NFRKB: variants seen among roughly 807,000 people sequenced by gnomAD.
NFRKB encodes the protein nuclear factor related to kappa-B-binding protein.
Under a neutral mutation model 135.7 loss-of-function variants are expected in NFRKB, and 62 were observed. The observed-to-expected ratio is 0.46, with a 90% CI of 0.37 to 0.56. The LOEUF (loss-of-function observed/expected upper bound fraction) is 0.56, where lower values mean the gene tolerates loss of function less well. NFRKB is among the 20% of genes least tolerant of loss of function. The pLI is 0.00. For missense variants in NFRKB, 1,545 were observed against 1,662.0 expected (o/e 0.93, Z 1.22); for synonymous variants, 678 against 635.6 (o/e 1.07, Z -1.00).
At chr11:129,880,186 C>T (rs948648124) in intron 13 of NFRKB, among the ~76,000 whole-genome samples, 1 of 152,026 alleles carries the variant, frequency 6.6e-6, no homozygotes, top group African/African-American at 2.4e-5. Flanking sequence ...AAGACTCTGT[C>T]TCAAAAAATA....
At position 129,878,324 on chromosome 11, in the gene NFRKB, G is replaced by A. The variant is rs1281905227; in HGVS notation, c.1496C>T (p.Thr499Ile). ...QENEDSSDAT[T>I]PVPRVRTDYV... ...TTGTACTCACACCCGAGGGACAGGT[G>A]TTGTGGCATCTGAGCTGTCTTCATT... The change falls in exon 15 of 27, where the codon ACA (threonine) becomes ATA (isoleucine). Residue 499 changes from threonine to isoleucine, a missense_variant. By Grantham distance (89) the Thr-to-Ile change is moderately conservative. Transcript: ENST00000682444. 6.2e-7 allele frequency: 1 copy of A among 1,614,234 alleles called. No homozygotes were observed. The highest frequency in any genetic ancestry group is 8.5e-7 in the Non-Finnish European group (1 of 1,180,044).
chr11:129,874,780 AG>A lies in NFRKB; in HGVS notation c.1978+12del. 1 of 1,614,214 alleles carries A rather than the reference AG, an allele frequency of 6.2e-7. No individual in the cohort carries two copies. The highest frequency in any genetic ancestry group is 1.1e-5 in the South Asian group (1 of 91,084). On this transcript the variant is annotated intron_variant, in intron 19 of 26. Transcript: ENST00000682444. The surrounding 1 kb of genome is among the most constrained non-coding windows in gnomAD (Gnocchi z 4.5). ...CCCAGTCTGGTCGGACAGTGCCCAGAGGCCTCACACACCAAACTCTTCTTCA... is the reference window on the plus strand; with the variant it reads ...CCCAGTCTGGTCGGACAGTGCCCAGAGCCTCACACACCAAACTCTTCTTCA...
At chr11:129,893,052 CA>C (rs1949627981) in intron 2 of NFRKB, 182 bp from the exon 3 acceptor site, 1 of 1,434,310 alleles carries the variant, frequency 7.0e-7, no homozygotes, top group Non-Finnish European at 9.1e-7. Context: ...CTGGAATTTT[CA>C]AGTCTTACCT....
chr11:129,878,410 T>G lies in NFRKB; in HGVS notation c.1464+54A>C. ...ATGGACTAAAGAATTTGGGCAAACT[T>G]AAGAGCTCTGGAAACCCAGTGAGAA... On this transcript the variant is annotated intron_variant, in intron 14 of 26. Coordinates refer to ENST00000682444, the MANE Select transcript of NFRKB (RefSeq NM_001143835.2). 5 of 1,613,042 alleles carry G rather than the reference T, an allele frequency of 3.1e-6. No homozygotes were observed. The Admixed American group carries it at 5.0e-5, about 16-fold the overall frequency.
intron 23 of NFRKB, 110 bp from the exon 24 acceptor site, chr11:129,870,371 A>G (rs1038658567): frequency 7.9e-7 from 1 of 1,267,690 alleles, no homozygotes; most frequent in Non-Finnish European, 1.1e-6. Flanking sequence ...TTTTTTTTTT[A>G]ACTTTTTATT....
rs142817440 is a variant in NFRKB at position 129,889,154 on chromosome 11, G to A, written c.136-359C>T. Among the ~76,000 whole-genome samples, 11 of 152,104 alleles carry A rather than the reference G, an allele frequency of 7.2e-5. 1 individual carries two copies. In the East Asian group the frequency reaches 1.9e-3, roughly 27 times the overall value. ...TTTTTGTATTTTTAGTAGAGATAGG[G>A]TTTCACCATGTTGACCAGGCTGGTC... On this transcript the variant is annotated intron_variant, in intron 3 of 26. Coordinates refer to ENST00000682444, the MANE Select transcript of NFRKB (RefSeq NM_001143835.2).
Position 129,878,487 on chromosome 11 carries a change from T to A in NFRKB, c.1441A>T (p.Thr481Ser). 1 of 1,614,180 alleles carries A rather than the reference T, an allele frequency of 6.2e-7. No homozygotes were observed. The highest frequency in any genetic ancestry group is 8.5e-7 in the Non-Finnish European group (1 of 1,180,010). ...LAALFQLWLE[T>S]KDQAFCKQEN... ...ACCTTACAGAAGGCCTGATCTTTGG[T>A]CTCTAGCCATAGCTGGAAGAGGGCA... The change falls in exon 14 of 27, where the codon ACC becomes TCC. Residue 481 changes from threonine to serine, a missense_variant. Physicochemically the swap from Thr to Ser is moderately conservative, Grantham distance 58 (BLOSUM62 1). Coordinates refer to ENST00000682444, the MANE Select transcript of NFRKB (RefSeq NM_001143835.2).
At position 129,882,436 on chromosome 11, in the gene NFRKB, C is replaced by T. The variant is rs1565413123; in HGVS notation, c.1082+15G>A. 2 of 1,611,458 alleles carry T rather than the reference C, an allele frequency of 1.2e-6. No homozygotes were observed. Among genetic ancestry groups the T allele is most frequent in the South Asian group, 2.2e-5 (2 of 90,636 alleles). On this transcript the variant is annotated intron_variant, in intron 10 of 26. Coordinates refer to ENST00000682444, the MANE Select transcript of NFRKB (RefSeq NM_001143835.2). ...ATTCACCCTGAGAATTACAGAATCT[C>T]TGTTGCTCACTTACTCTTCCTTGAT...
chr11:129,878,530 A>T lies in NFRKB; in HGVS notation c.1398T>A (p.Asp466Glu), dbSNP rs773691958. Residue 466 changes from aspartate to glutamate, a missense_variant, in exon 14 of 27, where the codon GAT becomes GAA. Physicochemically the swap from Asp to Glu is conservative, Grantham distance 45. Coordinates refer to ENST00000682444, the MANE Select transcript of NFRKB (RefSeq NM_001143835.2). ...QQWKLLGQSQ[D>E]NEKELAALFQ... ...AGAGGGCAGCTAATTCCTTTTCATT[A>T]TCTTGGGATTGGCCTATTAGAGGAA... The T allele has an allele frequency of 1.2e-6, 2 of 1,613,904 alleles. No individual in the cohort carries two copies. Among genetic ancestry groups the T allele is most frequent in the Non-Finnish European group, 1.7e-6 (2 of 1,179,878 alleles).
At chr11:129,883,294 GT>G in intron 8 of NFRKB, 88 bp from the exon 9 acceptor site, 1 of 901,740 alleles carries the variant, frequency 1.1e-6, no homozygotes, top group Non-Finnish European at 1.8e-6. Context: ...ACAATTAGAT[GT>G]TAGGTACACT....
chr11:129,870,892 C>T (rs2135640078), intron 23 of NFRKB, among the ~76,000 whole-genome samples: 1 of 152,280 alleles, frequency 6.6e-6, no homozygotes, highest in Non-Finnish European at 1.5e-5. Flanking sequence ...TAAAAAACAA[C>T]CAATCCTGGC....
chr11:129,879,711 G>A (rs1565408888), intron 13 of NFRKB, among the ~76,000 whole-genome samples: 1 of 152,102 alleles, frequency 6.6e-6, no homozygotes, highest in East Asian at 1.9e-4. Context: ...CCTCTGCCGT[G>A]AAGAGCCCTC....
intron 4 of NFRKB, among the ~76,000 whole-genome samples, chr11:129,887,833 C>T (rs1047198089): frequency 1.3e-5 from 2 of 152,146 alleles, no homozygotes; most frequent in Non-Finnish European, 2.9e-5. Flanking sequence ...GTCAGGAGAT[C>T]GAGACCATCC....
chr11:129,869,971 A>G lies in NFRKB; in HGVS notation c.3054T>C (p.His1018=). The change falls in exon 24 of 27, where the codon CAT becomes CAC. Residue 1018 remains histidine, a synonymous_variant. Coordinates refer to ENST00000682444, the MANE Select transcript of NFRKB (RefSeq NM_001143835.2). The part of the protein sequence containing the change: ...ATLHVTSNPV[H]AADSPAKASS... ...TGGCCTTGGCAGGGCTATCAGCTGC[A>G]TGTACTGGATTGGAAGTGACGTGTA... 1.9e-6 allele frequency: 3 copies of G among 1,614,272 alleles called. No homozygotes were observed. Among genetic ancestry groups the G allele is most frequent in the Non-Finnish European group, 2.5e-6 (3 of 1,180,048 alleles).
chr11:129,894,477 T>G (rs772734358), intron 1 of NFRKB, 39 bp from the exon 2 acceptor site: 5 of 152,222 alleles, frequency 3.3e-5, no homozygotes, highest in Non-Finnish European at 7.3e-5. Flanking sequence ...CAGTGTGAAT[T>G]ACGTAATACA....
chr11:129,867,683 T>C (rs1591472061), intron 24 of NFRKB, among the ~76,000 whole-genome samples: 1 of 152,248 alleles, frequency 6.6e-6, no homozygotes, highest in East Asian at 1.9e-4. Context: ...GACTTATGTT[T>C]ATATCCTTCT....
At chr11:129,878,579 G>A (rs745667357) in intron 13 of NFRKB, 36 bp from the exon 14 acceptor site, 1 of 1,536,774 alleles carries the variant, frequency 6.5e-7, no homozygotes, top group South Asian at 1.1e-5. Context: ...AAATAAGAAG[G>A]TCTAAGGTAT....
chr11:129,866,277 C>CAGGT (rs1263482924), intron 24 of NFRKB, among the ~76,000 whole-genome samples: 1 of 152,158 alleles, frequency 6.6e-6, no homozygotes, highest in Non-Finnish European at 1.5e-5. Context: ...ATCACAAAGG[C>CAGGT]AGGTGTGTCC....
chr11:129,886,416 C>T lies in NFRKB; in HGVS notation c.366G>A (p.Lys122=), dbSNP rs771381204. The change falls in exon 5 of 27, where the codon AAG becomes AAA. Residue 122 remains lysine, a synonymous_variant. Transcript: ENST00000682444. ...GTGACTTGAAGCATAACTGCCGGTA[C>T]TTGACCACCTCGGGGTTAAAGTGTC... The part of the protein sequence containing the change: ...RDGHFNPEVV[K]YRQLCFKSQY... 1.2e-6 allele frequency: 2 copies of T among 1,613,978 alleles called. No individual in the cohort carries two copies. The highest frequency in any genetic ancestry group is 4.5e-5 in the East Asian group (2 of 44,876).
Sources: allele counts gnomAD v4.1 joint callset (sites outside exome capture counted in the v4.1 genomes callset), GRCh38; gene constraint gnomAD v4.1.1; non-coding constraint Gnocchi (gnomAD v3.1); transcripts MANE v1.5; gene names NCBI Gene and HGNC (gene_info 2026-07-23, HGNC 2026-07-21).